The following FAM3A variants were observed in gnomAD, a reference collection of about 807,000 sequenced individuals.
The protein encoded by FAM3A is protein FAM3A.
In FAM3A, 5 loss-of-function variants were observed where a neutral mutation model predicts 18.1. The observed-to-expected ratio is 0.28, with a 90% CI of 0.14 to 0.58. The LOEUF (loss-of-function observed/expected upper bound fraction) is 0.58, where lower values mean the gene tolerates loss of function less well. Ranked by LOEUF, FAM3A falls within the 20% of genes least tolerant of loss-of-function variation. The pLI is 0.91. For missense variants in FAM3A, 154 were observed against 216.6 expected, an observed-to-expected ratio of 0.71 and a Z score of 1.81; for synonymous variants, 108 against 90.2, an observed-to-expected ratio of 1.20 and a Z score of -1.12.
chrX:154,507,517 G>A, intron 6 of FAM3A, 27 bp from the exon 7 acceptor site: 1 of 1,177,899 alleles, frequency 8.5e-7, no homozygotes, highest in Non-Finnish European at 1.2e-6. Context: ...CACGGAACAG[G>A]GGTCATCAGG....
chrX:154,513,561 C>T (rs1002018459), intron 1 of FAM3A, among the ~76,000 whole-genome samples: 3 of 110,771 alleles, frequency 2.7e-5, no homozygotes, highest in Non-Finnish European at 5.7e-5. Flanking sequence ...ACCTGGGTGG[C>T]GGAGGTTGCA....
intron 6 of FAM3A, 145 bp downstream of exon 6, chrX:154,507,666 C>T (rs904584906): frequency 1.1e-5 from 9 of 821,491 alleles, no homozygotes; most frequent in Non-Finnish European, 1.6e-5. Flanking sequence ...AGCCTCCAGA[C>T]CAAGCTGGCG....
chrX:154,514,730 G>A (rs1336280118), intron 1 of FAM3A, among the ~76,000 whole-genome samples: 1 of 110,808 alleles, frequency 9.0e-6, no homozygotes, highest in African/African-American at 3.3e-5. Flanking sequence ...TGTATTTTTA[G>A]TAGAGACGGG....
intron 6 of FAM3A, 112 bp from the exon 7 acceptor site, chrX:154,507,602 C>A: frequency 1.1e-6 from 1 of 898,110 alleles, no homozygotes; most frequent in Non-Finnish European, 1.6e-6. Context: ...TGGGACATGC[C>A]CCGCCAAGGG....
In FAM3A at chrX:154,515,695, C is replaced by T. The variant is rs370239914; in HGVS notation, c.13+65G>A. On this transcript the variant is annotated intron_variant, in intron 1 of 8. Transcript: ENST00000447601. ...CGGGCCTCTCCAGACACAGATGTCG[C>T]GACGCTGGGCCTCCAGCCAGGTGCC... 1.5e-5 allele frequency: 17 copies of T among 1,165,564 alleles called. No individual in the cohort carries two copies. In the African/African-American group the frequency reaches 2.8e-4, roughly 19 times the overall value.
chrX:154,511,769 GA>G (rs1310305302), intron 3 of FAM3A, 78 bp downstream of exon 3: 21 of 1,007,297 alleles, frequency 2.1e-5, no homozygotes, highest in Non-Finnish European at 2.9e-5. Context: ...GGAATAAATG[GA>G]AAACCGAAGC....
intron 3 of FAM3A, 30 bp downstream of exon 3, chrX:154,511,818 G>A: frequency 8.4e-7 from 1 of 1,195,562 alleles, no homozygotes; most frequent in Non-Finnish European, 1.1e-6. Flanking sequence ...GTCACAAAGG[G>A]GAGGAGCAGG....
intron 3 of FAM3A, chrX:154,508,940 T>G: frequency 3.5e-6 from 1 of 284,248 alleles, no homozygotes; most frequent in Non-Finnish European, 6.9e-6. Flanking sequence ...GCAAAGGCAG[T>G]GTGGCAGGGG....
rs2069560145 is a variant in FAM3A at position 154,506,881 on chromosome X, T to C, written c.623A>G (p.Asn208Ser). The C allele has an allele frequency of 1.7e-6, 2 of 1,211,600 alleles. No homozygotes were observed. Among genetic ancestry groups the C allele is most frequent in the Non-Finnish European group, 2.2e-6 (2 of 894,986 alleles). ...EQHVKNSKHS[N>S]KYEGWPEALE... Reference sequence around the variant, plus strand: ...CGCCTCGGGCCAGCCTTCGTACTTGTTGCTGTGCTTACTGTTCTTCACGTG... The same window carrying C: ...CGCCTCGGGCCAGCCTTCGTACTTGCTGCTGTGCTTACTGTTCTTCACGTG... The change falls in exon 9 of 9, where the codon AAC becomes AGC. Residue 208 changes from asparagine to serine, a missense_variant. Physicochemically the swap from Asn to Ser is conservative, Grantham distance 46. Coordinates refer to ENST00000447601, the MANE Select transcript of FAM3A (RefSeq NM_021806.4).
At position 154,506,568 on chromosome X, in the gene FAM3A, A is replaced by C; in HGVS notation, c.*243T>G. ...TGGGCTGACCGGGGGGAACAGTGTT[A>C]CGAAAAGGAGGCGGGTACCCTGGGC... On this transcript the variant is annotated 3_prime_UTR_variant, in exon 9 of 9. Coordinates refer to ENST00000447601, the MANE Select transcript of FAM3A (RefSeq NM_021806.4). 1 of 404,760 alleles carries C rather than the reference A, an allele frequency of 2.5e-6. No homozygotes were observed. The highest frequency in any genetic ancestry group is 4.1e-5 in the East Asian group (1 of 24,447). The allele number at this position is 404,760 out of a possible 1,213,427, so 33.4% of individuals were successfully genotyped here.
chrX:154,514,361 A>G (rs1248805177), intron 1 of FAM3A, among the ~76,000 whole-genome samples: 6 of 110,958 alleles, frequency 5.4e-5, no homozygotes, highest in Middle Eastern at 9.3e-3. Flanking sequence ...CTCCTGCCTC[A>G]GCCTCCCAAG....
At chrX:154,507,128 G>A (rs2069582090) in intron 8 of FAM3A, 75 bp downstream of exon 8, 2 of 1,132,679 alleles carry the variant, frequency 1.8e-6, no homozygotes, top group African/African-American at 3.6e-5. Flanking sequence ...GTGAGCAGCT[G>A]GGGAGGCTCG....
In FAM3A at chrX:154,515,870, C is replaced by G. The variant is rs781944921; in HGVS notation, c.-98G>C. 5.9e-4 allele frequency: 487 copies of G among 827,230 alleles called. No homozygotes were observed. The highest frequency in any genetic ancestry group is 8.2e-4 in the Admixed American group (35 of 42,900). The allele number at this position is 827,230 out of a possible 1,213,427, so 68.2% of individuals were successfully genotyped here. A position where few individuals can be genotyped will look rare whatever the true frequency, so the allele number is the denominator to read the frequency against. Reference sequence around the variant, plus strand: ...GGTGGGGGTCAGGGGCAAGCCTGTGCGGGACCCCTGCTGGGGGCGGGCGCG... The same window carrying G: ...GGTGGGGGTCAGGGGCAAGCCTGTGGGGGACCCCTGCTGGGGGCGGGCGCG... On this transcript the variant is annotated 5_prime_UTR_variant, in exon 1 of 9. Coordinates refer to ENST00000447601, the MANE Select transcript of FAM3A (RefSeq NM_021806.4).
rs1305167051 is a variant in FAM3A, at chrX:154,506,390, G to C, written c.*421C>G. 6.1e-6 allele frequency: 1 copy of C among 163,816 alleles called. No homozygotes were observed. The highest frequency in any genetic ancestry group is 3.0e-5 in the African/African-American group (1 of 33,199). The allele number at this position is 163,816 out of a possible 1,213,427, so 13.5% of individuals were successfully genotyped here. On this transcript the variant is annotated 3_prime_UTR_variant, in exon 9 of 9. Transcript: ENST00000447601. The stretch of plus-strand genomic sequence containing the variant: ...ACACTGGAAACATGTTTAGCCCGCA[G>C]TGCAGAGTGGCTCCAGAAGGGAGAG...
intron 3 of FAM3A, 138 bp from the exon 4 acceptor site, chrX:154,508,735 C>T (rs781886269): frequency 6.4e-5 from 49 of 771,031 alleles, no homozygotes; most frequent in South Asian, 9.0e-5. Flanking sequence ...TGGCTCAGGC[C>T]GAGGCTGGGG....
intron 2 of FAM3A, chrX:154,512,201 G>T: frequency 4.1e-6 from 1 of 241,739 alleles, no homozygotes; most frequent in Non-Finnish European, 7.1e-6. Flanking sequence ...GGGCAACATG[G>T]TGAAACCCCA....
intron 5 of FAM3A, 106 bp from the exon 6 acceptor site, chrX:154,507,967 C>T (rs2148293342): frequency 2.9e-6 from 2 of 680,977 alleles, no homozygotes; most frequent in Non-Finnish European, 2.2e-6. Flanking sequence ...AGCTTTCAAA[C>T]AGTCCCCCAA....
intron 3 of FAM3A, chrX:154,509,647 C>G (rs782250395): frequency 1.8e-5 from 2 of 111,348 alleles, no homozygotes; most frequent in Non-Finnish European, 3.8e-5. Flanking sequence ...AAAAGCATGG[C>G]GCCGGCATCT....
chrX:154,515,952 G>C lies in FAM3A; in HGVS notation c.-180C>G, dbSNP rs952639611. 1.1e-5 allele frequency: 5 copies of C among 466,657 alleles called. No homozygotes were observed. The African/African-American group carries it at 1.2e-4, about 11-fold the overall frequency. 38.5% of individuals were successfully genotyped at this position (466,657 alleles called of 1,213,427 possible). ...CGGCCAGGCAGGGCTCCTCGGAAAC[G>C]CGCGGGGAAACCCTGCCTGGCCAGG... On this transcript the variant is annotated 5_prime_UTR_variant, in exon 1 of 9. Transcript: ENST00000447601.
Sources: gnomAD v4.1 joint callset for allele counts (sites outside exome capture counted in the v4.1 genomes callset) on GRCh38, gnomAD v4.1.1 for gene constraint, MANE v1.5 for transcripts, NCBI Gene and HGNC (gene_info 2026-07-23, HGNC 2026-07-21) for gene names.